The following MEIS1 variants were observed in gnomAD, a reference collection of about 807,000 sequenced individuals.
The protein encoded by MEIS1 is Meis homeobox 1.
Under a neutral mutation model 50.8 loss-of-function variants are expected in MEIS1, and 5 were observed. That is an observed-to-expected ratio of 0.10 (90% CI 0.05 to 0.21). MEIS1 has a LOEUF of 0.21. MEIS1 is among the 10% of genes least tolerant of loss of function. The pLI is 1.00. For missense variants in MEIS1, 318 were observed against 517.3 expected, an observed-to-expected ratio of 0.61 and a Z score of 3.74; for synonymous variants, 176 against 179.3, an observed-to-expected ratio of 0.98 and a Z score of 0.15.
At chr2:66,567,277 T>A (rs1675371604) in intron 9 of MEIS1, among the ~76,000 whole-genome samples, 176 bp from the exon 10 acceptor site, 2 of 152,132 alleles carry the variant, frequency 1.3e-5, no homozygotes. Flanking sequence ...CAAAGGTCAC[T>A]GGGGGTTACA....
intron 6 of MEIS1, among the ~76,000 whole-genome samples, chr2:66,444,555 G>A (rs946078534): frequency 7.2e-5 from 11 of 152,206 alleles, no homozygotes; most frequent in Non-Finnish European, 1.6e-4. Context: ...TGGAGAGTTG[G>A]AAACTTTCGG....
chr2:66,569,245 T>C, intron 12 of MEIS1, 100 bp downstream of exon 12: 2 of 974,584 alleles, frequency 2.1e-6, no homozygotes, highest in Non-Finnish European at 3.1e-6. Flanking sequence ...TGCTTGTTCA[T>C]TCCTTTCCAT....
chr2:66,499,262 A>G (rs922517483), intron 7 of MEIS1, among the ~76,000 whole-genome samples: 60 of 152,188 alleles, frequency 3.9e-4, no homozygotes, highest in African/African-American at 9.7e-4. Context: ...TCTTCTAGCT[A>G]TATTTAATAT....
chr2:66,466,988 C>CA (rs930218968), intron 7 of MEIS1, among the ~76,000 whole-genome samples: 2 of 141,654 alleles, frequency 1.4e-5, no homozygotes, highest in Non-Finnish European at 3.1e-5. Context: ...GAAAAGAAAA[C>CA]AAAAAAGAAA....
At chr2:66,479,944 C>T (rs1672979198) in intron 7 of MEIS1, among the ~76,000 whole-genome samples, 1 of 152,146 alleles carries the variant, frequency 6.6e-6, no homozygotes, top group South Asian at 2.1e-4. Flanking sequence ...TCAACTTTTG[C>T]TCTTAAAATG....
At chr2:66,532,010 A>G (rs1674403795) in intron 8 of MEIS1, among the ~76,000 whole-genome samples, 1 of 151,856 alleles carries the variant, frequency 6.6e-6, no homozygotes, top group Non-Finnish European at 1.5e-5. Flanking sequence ...TGTCCTTTGC[A>G]TGTATTTCTT....
At chr2:66,526,288 T>C (rs1052871039) in intron 8 of MEIS1, among the ~76,000 whole-genome samples, 1 of 152,214 alleles carries the variant, frequency 6.6e-6, no homozygotes, top group African/African-American at 2.4e-5. Context: ...GGTCATTTAC[T>C]TTGGTCTAAG....
chr2:66,567,920 G>A, intron 10 of MEIS1: 1 of 378,266 alleles, frequency 2.6e-6, no homozygotes, highest in Non-Finnish European at 4.9e-6. Context: ...ATTGCTTGTG[G>A]GACTCAGTAA....
rs1675468797 is a variant in MEIS1, at chr2:66,570,851, T to A, written c.*38-395T>A. 1.9e-5 allele frequency: 3 copies of A among 160,026 alleles called. 1 individual carries two copies. The South Asian group carries it at 5.8e-4, about 31-fold the overall frequency. The allele number at this position is 160,026 out of a possible 1,614,324, so 9.9% of individuals were successfully genotyped here. A position where few individuals can be genotyped will look rare whatever the true frequency, so the allele number is the denominator to read the frequency against. On this transcript the variant is annotated intron_variant, in intron 12 of 12. Coordinates refer to ENST00000272369, the MANE Select transcript of MEIS1 (RefSeq NM_002398.3). Reference sequence around the variant, plus strand: ...TTTAAGTACAGGTTTTGCTAAGTAATCACCCTTAGTGAGCCTGTGTAGTTC... The same window carrying A: ...TTTAAGTACAGGTTTTGCTAAGTAAACACCCTTAGTGAGCCTGTGTAGTTC...
intron 9 of MEIS1, among the ~76,000 whole-genome samples, chr2:66,567,180 T>G (rs748466247): frequency 6.6e-6 from 1 of 151,886 alleles, no homozygotes; most frequent in Non-Finnish European, 1.5e-5. Context: ...CTCTGCTAAT[T>G]CCCCCATGAA....
At chr2:66,569,847 C>G (rs1402464309) in intron 12 of MEIS1, 1 of 152,740 alleles carries the variant, frequency 6.5e-6, no homozygotes, top group East Asian at 1.9e-4. Context: ...ATTCAGTATA[C>G]AAAAATAGAG....
intron 8 of MEIS1, among the ~76,000 whole-genome samples, chr2:66,534,205 A>G (rs766218523): frequency 5.3e-5 from 8 of 152,156 alleles, no homozygotes; most frequent in Non-Finnish European, 8.8e-5. Flanking sequence ...AACTTTAGTT[A>G]TCTAACTAAA....
At chr2:66,549,268 A>G (rs1300600006) in intron 9 of MEIS1, among the ~76,000 whole-genome samples, 2 of 152,122 alleles carry the variant, frequency 1.3e-5, no homozygotes, top group Non-Finnish European at 2.9e-5. Flanking sequence ...ATTGCTTGTA[A>G]GGGTTATCAA....
At chr2:66,455,435 T>C (rs1672366240) in intron 6 of MEIS1, among the ~76,000 whole-genome samples, 1 of 152,230 alleles carries the variant, frequency 6.6e-6, no homozygotes, top group South Asian at 2.1e-4. Flanking sequence ...ATCAGTGCTG[T>C]CTTGATTTCA....
chr2:66,570,261 C>A (rs566567891), intron 12 of MEIS1: 5 of 152,020 alleles, frequency 3.3e-5, no homozygotes, highest in Non-Finnish European at 7.4e-5. Flanking sequence ...AATTCTCTAG[C>A]TTAGTTAATT....
At chr2:66,559,131 GA>G in intron 9 of MEIS1, among the ~76,000 whole-genome samples, 1 of 150,638 alleles carries the variant, frequency 6.6e-6, no homozygotes, top group Non-Finnish European at 1.5e-5. Context: ...GACAGAGAGA[GA>G]GAGAGAGAGA....
chr2:66,462,660 G>A (rs537249437), intron 6 of MEIS1, among the ~76,000 whole-genome samples: 1 of 152,284 alleles, frequency 6.6e-6, no homozygotes, highest in African/African-American at 2.4e-5. Context: ...CATTCTGAGC[G>A]TGTGTTCCAG....
At chr2:66,439,671 G>A (rs775043764) in intron 2 of MEIS1, 172 bp from the exon 3 acceptor site, 23 of 1,539,450 alleles carry the variant, frequency 1.5e-5, no homozygotes, top group East Asian at 2.4e-5. Context: ...AGGAAGGGGA[G>A]GTGAGCGGTC....
At chr2:66,469,729 A>G (rs183510561) in intron 7 of MEIS1, among the ~76,000 whole-genome samples, 8 of 152,242 alleles carry the variant, frequency 5.3e-5, no homozygotes, top group Admixed American at 3.9e-4. Context: ...CATACTTCCA[A>G]TTATGGCTCG....
Sources: allele counts gnomAD v4.1 joint callset (sites outside exome capture counted in the v4.1 genomes callset), GRCh38; gene constraint gnomAD v4.1.1; transcripts MANE v1.5; gene names NCBI Gene and HGNC (gene_info 2026-07-23, HGNC 2026-07-21).